Variants in ERBB4 observed in about 807,000 individuals in gnomAD.
ERBB4 encodes the protein erb-b2 receptor tyrosine kinase 4, also known as receptor tyrosine-protein kinase erbB-4.
ERBB4 carries 42 observed loss-of-function variants against 158.0 expected under a neutral mutation model. The ratio of observed to expected loss-of-function variants is 0.27; its 90% confidence interval spans 0.21 to 0.34. ERBB4 has a LOEUF of 0.34. ERBB4 is among the 10% of genes least tolerant of loss of function. ERBB4 has a pLI of 1.00. For synonymous variants in ERBB4, 583 were observed against 558.7 expected (o/e 1.04, Z -0.61); for missense variants, 1,333 against 1,624.1 (o/e 0.82, Z 3.08).
At chr2:211,539,783 G>A (rs980354116) in intron 20 of ERBB4, among the ~76,000 whole-genome samples, 1 of 151,848 alleles carries the variant, frequency 6.6e-6, no homozygotes, top group Non-Finnish European at 1.5e-5. Flanking sequence ...ACAAAGGGAG[G>A]TTTTTTTATG....
rs140507079 is a variant in ERBB4 at position 212,186,594 on chromosome 2, C to G, written c.83-61691G>C. Among the ~76,000 whole-genome samples, 1,376 of 152,224 alleles carry G rather than the reference C, an allele frequency of 9.0e-3. 15 individuals carry two copies. The highest frequency in any genetic ancestry group is 0.03 in the African/African-American group (1,266 of 41,546). On this transcript the variant is annotated intron_variant, in intron 1 of 27. Transcript: ENST00000342788. ...AACCTACCCACCCTGGAGCAAAAGA[C>G]TGTCAAACTATGTTCCTGTTCCTAA... is the stretch of plus-strand genomic sequence containing the variant.
intron 20 of ERBB4, among the ~76,000 whole-genome samples, chr2:211,456,658 C>T (rs1215165818): frequency 6.6e-6 from 1 of 151,938 alleles, no homozygotes; most frequent in Non-Finnish European, 1.5e-5. Context: ...GGGACTGGTT[C>T]GTGGAAGACA....
At position 212,271,136 on chromosome 2, in the gene ERBB4, T is replaced by C. The variant is rs539208575; in HGVS notation, c.83-146233A>G. Among the ~76,000 whole-genome samples, 6 of 151,912 alleles carry C rather than the reference T, an allele frequency of 3.9e-5. No individual in the cohort carries two copies. The South Asian group carries it at 1.0e-3, about 26-fold the overall frequency. ...ATTTGGAAACTTGTGAATTTACTTA[T>C]CTAATGCCTTTTGATTACAGAATGG... On this transcript the variant is annotated intron_variant, in intron 1 of 27. Transcript: ENST00000342788.
At chr2:212,297,190 T>C (rs184652202) in intron 1 of ERBB4, among the ~76,000 whole-genome samples, 3 of 152,122 alleles carry the variant, frequency 2.0e-5, no homozygotes, top group Non-Finnish European at 4.4e-5. Flanking sequence ...GTATAAGAAG[T>C]GGCCTTAAAA....
At chr2:212,431,321 A>AAAAAAAAAAC (rs1560302260) in intron 1 of ERBB4, among the ~76,000 whole-genome samples, 2 of 148,318 alleles carry the variant, frequency 1.3e-5, no homozygotes. Flanking sequence ...AAAAAAAAAA[A>AAAAAAAAAAC]AAAAAAAAAC....
chr2:211,666,161 C>CTGTGAAA (rs1276246225), intron 14 of ERBB4, among the ~76,000 whole-genome samples: 1 of 152,034 alleles, frequency 6.6e-6, no homozygotes, highest in African/African-American at 2.4e-5. Context: ...TTCATATCCA[C>CTGTGAAA]TGTGAAAACA....
chr2:211,496,320 T>C (rs2125582156), intron 20 of ERBB4, among the ~76,000 whole-genome samples: 1 of 152,146 alleles, frequency 6.6e-6, no homozygotes, highest in East Asian at 1.9e-4. Flanking sequence ...GACCCCTATA[T>C]ACAGTTCCCT....
At position 212,124,318 on chromosome 2, in the gene ERBB4, T is replaced by C. The variant is rs1362327949; in HGVS notation, c.234+434A>G. ...GATGCTTTTCTTTCCTTTTCTTTTC[T>C]TTTTTTTTAATAACAGTGTTAGTCT... On this transcript the variant is annotated intron_variant, in intron 2 of 27. Transcript: ENST00000342788. Among the ~76,000 whole-genome samples, 3 of 148,164 alleles carry C rather than the reference T, an allele frequency of 2.0e-5. No homozygotes were observed. In the East Asian group the frequency reaches 5.8e-4, roughly 29 times the overall value.
chr2:211,982,636 T>A (rs552405307), intron 2 of ERBB4, among the ~76,000 whole-genome samples: 1 of 152,130 alleles, frequency 6.6e-6, no homozygotes, highest in Non-Finnish European at 1.5e-5. Context: ...TTCAATAGAA[T>A]GCAGTGTGTT....
intron 20 of ERBB4, among the ~76,000 whole-genome samples, chr2:211,548,920 C>T (rs894799492): frequency 2.6e-5 from 4 of 152,074 alleles, no homozygotes; most frequent in African/African-American, 9.7e-5. Context: ...TCTGGGGCTC[C>T]TTCCTGCACC....
chr2:211,481,730 T>A (rs2065088326), intron 20 of ERBB4, among the ~76,000 whole-genome samples: 1 of 152,068 alleles, frequency 6.6e-6, no homozygotes, highest in Admixed American at 6.6e-5. Flanking sequence ...GGATACTTTG[T>A]TGGATAAACA....
chr2:211,822,977 A>T (rs2077026132), intron 3 of ERBB4, among the ~76,000 whole-genome samples: 1 of 151,960 alleles, frequency 6.6e-6, no homozygotes, highest in South Asian at 2.1e-4. Flanking sequence ...GGACTGTACC[A>T]TCATCATGGG....
chr2:212,294,419 T>C (rs955571395), intron 1 of ERBB4, among the ~76,000 whole-genome samples: 1 of 152,050 alleles, frequency 6.6e-6, no homozygotes, highest in Non-Finnish European at 1.5e-5. Flanking sequence ...ATTTTTGTTG[T>C]TGTTGTTCTT....
At chr2:212,108,220 A>G (rs2079290125) in intron 2 of ERBB4, among the ~76,000 whole-genome samples, 1 of 152,172 alleles carries the variant, frequency 6.6e-6, no homozygotes, top group African/African-American at 2.4e-5. Flanking sequence ...AAACAATAGG[A>G]GATTTATATG....
rs114592068 is a variant in ERBB4 at position 211,711,920 on chromosome 2, T to C, written c.1124+130A>G. 1.4e-3 allele frequency: 1,057 copies of C among 757,434 alleles called. 9 individuals carry two copies. The African/African-American group carries it at 0.016, about 11-fold the overall frequency. The allele number at this position is 757,434 out of a possible 1,614,324, so 46.9% of individuals were successfully genotyped here. On this transcript the variant is annotated intron_variant, in intron 9 of 27. Transcript: ENST00000342788. ...GCTGGTGAAATCAGGCCCCTGCTTT[T>C]GTTGGTGAGGAGCATTAATGAAAGG...
At chr2:211,565,947 A>T (rs1169079205) in intron 19 of ERBB4, among the ~76,000 whole-genome samples, 1 of 152,200 alleles carries the variant, frequency 6.6e-6, no homozygotes, top group Non-Finnish European at 1.5e-5. Context: ...TACTTCAATT[A>T]TCTCTTCCCT....
At chr2:211,996,506 A>G (rs1289288142) in intron 2 of ERBB4, among the ~76,000 whole-genome samples, 1 of 152,208 alleles carries the variant, frequency 6.6e-6, no homozygotes, top group Non-Finnish European at 1.5e-5. Context: ...CCATAACATA[A>G]TCAACCAGGG....
At chr2:211,935,544 C>T (rs2080298020) in intron 3 of ERBB4, among the ~76,000 whole-genome samples, 1 of 152,118 alleles carries the variant, frequency 6.6e-6, no homozygotes, top group Admixed American at 6.5e-5. Context: ...ACCCTAAGGC[C>T]TTTGATCCCA....
At chr2:212,103,199 G>A (rs1341606194) in intron 2 of ERBB4, among the ~76,000 whole-genome samples, 1 of 151,996 alleles carries the variant, frequency 6.6e-6, no homozygotes, top group Non-Finnish European at 1.5e-5. Flanking sequence ...TACACATTCT[G>A]CTACTTTTGC....
Sources: allele counts gnomAD v4.1 joint callset (sites outside exome capture counted in the v4.1 genomes callset), GRCh38; gene constraint gnomAD v4.1.1; transcripts MANE v1.5; gene names NCBI Gene and HGNC (gene_info 2026-07-23, HGNC 2026-07-21).